Variants in AUTS2 observed in about 807,000 individuals in gnomAD.
AUTS2 encodes activator of transcription and developmental regulator AUTS2, also known as autism susceptibility gene 2 protein.
In AUTS2, 17 loss-of-function variants were observed where a neutral mutation model predicts 112.4. That is an observed-to-expected ratio of 0.15 (90% CI 0.10 to 0.23). The LOEUF (loss-of-function observed/expected upper bound fraction) is 0.23, where lower values mean the gene tolerates loss of function less well. Ranked by LOEUF, AUTS2 falls within the 10% of genes least tolerant of loss-of-function variation. The pLI is 1.00. For missense variants in AUTS2, 1,510 were observed against 1,701.6 expected (o/e 0.89, Z 1.98); for synonymous variants, 751 against 702.7 (o/e 1.07, Z -1.09).
At chr7:70,147,298 G>T (rs766242185) in intron 4 of AUTS2, among the ~76,000 whole-genome samples, 4 of 151,506 alleles carry the variant, frequency 2.6e-5, no homozygotes, top group African/African-American at 9.7e-5. Context: ...TAATAATGAC[G>T]GAAGTAGGCA....
intron 1 of AUTS2, among the ~76,000 whole-genome samples, chr7:69,869,686 C>T (rs1003385847): frequency 6.6e-6 from 1 of 150,426 alleles, no homozygotes; most frequent in African/African-American, 2.5e-5. Context: ...GGATCCATGA[C>T]TCAATGATGG....
chr7:70,540,469 G>A (rs1800507890), intron 5 of AUTS2, among the ~76,000 whole-genome samples: 1 of 152,164 alleles, frequency 6.6e-6, no homozygotes, highest in Non-Finnish European at 1.5e-5. Context: ...CCCTACCATT[G>A]TGTGCAGCCC....
chr7:70,492,797 C>G (rs973576288), intron 5 of AUTS2, among the ~76,000 whole-genome samples: 14 of 152,168 alleles, frequency 9.2e-5, no homozygotes, highest in African/African-American at 2.7e-4. Flanking sequence ...GAGAACACTC[C>G]GGGCCCACAC....
chr7:70,733,429 C>T (rs1190778469), intron 6 of AUTS2, among the ~76,000 whole-genome samples: 3 of 152,150 alleles, frequency 2.0e-5, no homozygotes, highest in African/African-American at 7.2e-5. Context: ...AGATTATTTT[C>T]CCCTAACAAT....
chr7:70,342,323 CTTT>C (rs551510185), intron 4 of AUTS2, among the ~76,000 whole-genome samples: 3 of 141,692 alleles, frequency 2.1e-5, no homozygotes, highest in African/African-American at 2.6e-5. Context: ...ATAATTTTTT[CTTT>C]TTTTTTTTTT....
chr7:70,792,211 G>C lies in AUTS2; in HGVS notation c.*1215G>C, dbSNP rs999078488. 16 of 152,504 alleles carry C rather than the reference G, an allele frequency of 1.0e-4. No individual in the cohort carries two copies. The highest frequency in any genetic ancestry group is 2.4e-4 in the Non-Finnish European group (16 of 68,042). 9.4% of individuals were successfully genotyped at this position (152,504 alleles called of 1,614,324 possible). On this transcript the variant is annotated 3_prime_UTR_variant, in exon 19 of 19. Transcript: ENST00000342771. The stretch of plus-strand genomic sequence containing the variant: ...ACAGCCGTAACAGGTCAACCTTGTG[G>C]AGCCATCGCGAGTTAGAGGGTGAAA...
At chr7:69,895,014 T>A (rs1323881305) in intron 1 of AUTS2, among the ~76,000 whole-genome samples, 1 of 152,022 alleles carries the variant, frequency 6.6e-6, no homozygotes, top group African/African-American at 2.4e-5. Flanking sequence ...ATAATTTCCC[T>A]CCCCATATTA....
intron 5 of AUTS2, among the ~76,000 whole-genome samples, chr7:70,611,798 A>G (rs897481903): frequency 3.3e-5 from 5 of 152,238 alleles, no homozygotes; most frequent in Non-Finnish European, 7.3e-5. Flanking sequence ...ACTCACATTT[A>G]CCAAAATGCC....
chr7:69,620,352 C>G (rs1159390458), intron 1 of AUTS2, among the ~76,000 whole-genome samples: 2 of 152,156 alleles, frequency 1.3e-5, no homozygotes, highest in Non-Finnish European at 2.9e-5. Context: ...CCACAGCTGT[C>G]CAGGGAATTG....
rs1034839483 is a variant in AUTS2 at position 70,577,816 on chromosome 7, TTA to T, written c.691-120752_691-120751del. On this transcript the variant is annotated intron_variant, in intron 5 of 18. Transcript: ENST00000342771. ...CATATGTGTTTTATTGGGTTTTTTTTTAATTTTTTTCTTTATTTTTTTTTTAT... is the reference window on the plus strand; with the variant it reads ...CATATGTGTTTTATTGGGTTTTTTTTATTTTTTTCTTTATTTTTTTTTTAT... Among the ~76,000 whole-genome samples the T allele has an allele frequency of 4.6e-5, 7 of 150,642 alleles. 1 individual carries two copies. The highest frequency in any genetic ancestry group is 1.7e-4 in the African/African-American group (7 of 40,302).
At chr7:69,771,518 CCTG>C (rs1788661883) in intron 1 of AUTS2, among the ~76,000 whole-genome samples, 1 of 152,036 alleles carries the variant, frequency 6.6e-6, no homozygotes, top group African/African-American at 2.4e-5. Flanking sequence ...AGCGTGGAAA[CCTG>C]CAGCAGTAGA....
At chr7:69,892,014 G>T (rs561375521) in intron 1 of AUTS2, among the ~76,000 whole-genome samples, 1 of 151,172 alleles carries the variant, frequency 6.6e-6, no homozygotes, top group Admixed American at 6.6e-5. Context: ...GGATGGTCTC[G>T]ATCTCCTGCC....
intron 1 of AUTS2, among the ~76,000 whole-genome samples, chr7:69,742,979 T>G (rs140750388): frequency 0.014 from 2,117 of 152,330 alleles, 26 homozygotes; most frequent in Middle Eastern, 0.037. Flanking sequence ...CACAATTAAC[T>G]TTCTACTCTA....
At chr7:69,866,716 G>A (rs1292957676) in intron 1 of AUTS2, among the ~76,000 whole-genome samples, 1 of 152,170 alleles carries the variant, frequency 6.6e-6, no homozygotes, top group Admixed American at 6.5e-5. Context: ...AGCAGAAGAC[G>A]ATGGTTAGAA....
intron 2 of AUTS2, among the ~76,000 whole-genome samples, chr7:69,996,166 G>A (rs1030421252): frequency 1.3e-5 from 2 of 152,126 alleles, no homozygotes; most frequent in Admixed American, 1.3e-4. Flanking sequence ...GGTTGTTAGA[G>A]GTACTGTGTC....
intron 5 of AUTS2, among the ~76,000 whole-genome samples, chr7:70,640,421 G>GGAA (rs370175951): frequency 4.3e-5 from 4 of 93,638 alleles, no homozygotes; most frequent in South Asian, 4.8e-4. Flanking sequence ...CTCACAGGGG[G>GGAA]AAAAAAAAAA....
intron 4 of AUTS2, among the ~76,000 whole-genome samples, chr7:70,432,183 C>T (rs1267597421): frequency 6.6e-6 from 1 of 152,194 alleles, no homozygotes; most frequent in Non-Finnish European, 1.5e-5. Flanking sequence ...CAAAGCAGGA[C>T]CCCGATGTCA....
chr7:70,270,326 G>A (rs1429844612), intron 4 of AUTS2, among the ~76,000 whole-genome samples: 2 of 152,222 alleles, frequency 1.3e-5, no homozygotes, highest in South Asian at 2.1e-4. Flanking sequence ...AGTTAGTATT[G>A]GGTTTTGAAG....
chr7:70,181,314 A>G (rs1475909686), intron 4 of AUTS2, among the ~76,000 whole-genome samples: 2 of 152,158 alleles, frequency 1.3e-5, no homozygotes, highest in African/African-American at 4.8e-5. Flanking sequence ...TTGAGCACCT[A>G]TTAGTGCTTG....
Sources: gnomAD v4.1 joint callset for allele counts (sites outside exome capture counted in the v4.1 genomes callset) on GRCh38, gnomAD v4.1.1 for gene constraint, MANE v1.5 for transcripts, NCBI Gene and HGNC (gene_info 2026-07-23, HGNC 2026-07-21) for gene names.